The following LPIN2 variants were observed in gnomAD, a reference collection of about 807,000 sequenced individuals.
LPIN2 encodes lipin 2.
A neutral mutation model predicts 111.4 loss-of-function variants in LPIN2; 55 were observed. The ratio of observed to expected loss-of-function variants is 0.49; its 90% confidence interval spans 0.40 to 0.62. LPIN2 has a LOEUF of 0.62. LPIN2 is among the 20% of genes least tolerant of loss of function. LPIN2 has a pLI of 0.00. For synonymous variants in LPIN2, 425 were observed against 414.0 expected, an observed-to-expected ratio of 1.03 and a Z score of -0.32; for missense variants, 992 against 1,112.1, an observed-to-expected ratio of 0.89 and a Z score of 1.54.
chr18:2,994,807 G>C (rs1410172603), intron 1 of LPIN2, among the ~76,000 whole-genome samples: 1 of 152,136 alleles, frequency 6.6e-6, no homozygotes, highest in African/African-American at 2.4e-5. Context: ...GGCGGGTGGG[G>C]GCGGTGTGTG....
At chr18:2,973,750 T>C in intron 1 of LPIN2, among the ~76,000 whole-genome samples, 1 of 152,344 alleles carries the variant, frequency 6.6e-6, no homozygotes, top group Middle Eastern at 3.4e-3. Flanking sequence ...AAACATAAAA[T>C]TCATTTATGT....
At chr18:2,989,697 G>C (rs573676306) in intron 1 of LPIN2, among the ~76,000 whole-genome samples, 45 of 152,284 alleles carry the variant, frequency 3.0e-4, no homozygotes, top group African/African-American at 1.1e-3. Context: ...AATGCGGGCA[G>C]AACACTTGAG....
In LPIN2 at chr18:2,984,229, T is replaced by C. The variant is rs77732359; in HGVS notation, c.-9-23380A>G. ...CCAAAATTAGAAATGGCAAAACTTA[T>C]CTTGCATGCAGCATGTTTTCCTGCT... On this transcript the variant is annotated intron_variant, in intron 1 of 19. Transcript: ENST00000677752. Among the ~76,000 whole-genome samples the C allele has an allele frequency of 1.1e-3, 165 of 152,268 alleles. 1 individual carries two copies. Among genetic ancestry groups the C allele is most frequent in the Non-Finnish European group, 2.1e-3 (141 of 68,012 alleles).
intron 3 of LPIN2, among the ~76,000 whole-genome samples, chr18:2,952,933 AG>A (rs1359499276): frequency 6.6e-6 from 1 of 152,234 alleles, no homozygotes; most frequent in Non-Finnish European, 1.5e-5. Context: ...TAATTAAATG[AG>A]AAAAATCTGA....
At chr18:2,953,313 G>C (rs993298218) in intron 3 of LPIN2, among the ~76,000 whole-genome samples, 1 of 151,662 alleles carries the variant, frequency 6.6e-6, no homozygotes, top group African/African-American at 2.4e-5. Flanking sequence ...GAAGTTCAGT[G>C]TTATGAATTA....
chr18:2,985,559 A>G (rs2078175884), intron 1 of LPIN2: 1 of 152,206 alleles, frequency 6.6e-6, no homozygotes, highest in Non-Finnish European at 1.5e-5. Flanking sequence ...TAGGAAAAAC[A>G]GAATCCTGTT....
chr18:2,933,817 G>A (rs2077247011), intron 8 of LPIN2, among the ~76,000 whole-genome samples: 1 of 152,178 alleles, frequency 6.6e-6, no homozygotes, highest in Non-Finnish European at 1.5e-5. Flanking sequence ...TAATTCAAAG[G>A]GAAAATGGTG....
At chr18:2,926,488 T>G (rs2077133165) in intron 13 of LPIN2, among the ~76,000 whole-genome samples, 1 of 152,216 alleles carries the variant, frequency 6.6e-6, no homozygotes, top group Non-Finnish European at 1.5e-5. Context: ...TCACGGCCCC[T>G]TCCCATACGC....
chr18:2,929,038 A>C (rs753368329), intron 10 of LPIN2, 27 bp downstream of exon 10: 6 of 1,382,364 alleles, frequency 4.3e-6, no homozygotes, highest in Non-Finnish European at 5.2e-6. Flanking sequence ...AAGAGTATTT[A>C]ACAATTATAA....
At chr18:2,927,265 G>T (rs1056290273) in intron 12 of LPIN2, among the ~76,000 whole-genome samples, 1 of 152,178 alleles carries the variant, frequency 6.6e-6, no homozygotes, top group Non-Finnish European at 1.5e-5. Flanking sequence ...GGGAAAAAAA[G>T]ACTTGCTCTG....
Position 2,997,808 on chromosome 18 carries a change from C to T in LPIN2, c.-10+15279G>A, listed in dbSNP as rs1349192532. 3.3e-5 allele frequency among the ~76,000 whole-genome samples: 5 copies of T among 152,370 alleles called. No homozygotes were observed. The South Asian group carries it at 8.3e-4, about 25-fold the overall frequency. On this transcript the variant is annotated intron_variant, in intron 1 of 19. Transcript: ENST00000677752. The stretch of plus-strand genomic sequence containing the variant: ...CATGCCACAGACTTAGTTTTTCAAA[C>T]ATCTCCAATTTCTTGCTTTTAGCTC...
At chr18:3,007,490 T>C (rs1033171617) in intron 1 of LPIN2, among the ~76,000 whole-genome samples, 11 of 152,198 alleles carry the variant, frequency 7.2e-5, no homozygotes, top group African/African-American at 2.7e-4. Flanking sequence ...TTATTAATTT[T>C]AAAAAATACT....
At chr18:2,944,220 C>A in intron 4 of LPIN2, among the ~76,000 whole-genome samples, 1 of 147,530 alleles carries the variant, frequency 6.8e-6, no homozygotes, top group African/African-American at 2.5e-5. Context: ...TTGTGAAGCT[C>A]TTCATGACTT....
intron 2 of LPIN2, among the ~76,000 whole-genome samples, chr18:2,958,193 CTT>C (rs2077652947): frequency 1.0e-5 from 1 of 95,586 alleles, no homozygotes; most frequent in African/African-American, 3.6e-5. Flanking sequence ...GAAAAAAAAA[CTT>C]TTATAAATAA....
At position 2,922,086 on chromosome 18, in the gene LPIN2, A is replaced by T; in HGVS notation, c.2288T>A (p.Leu763Gln). ...DKGTILPRGP[L>Q]MLSPSSLFSA... The stretch of plus-strand genomic sequence containing the variant: ...GAACAAGCTGCTGGGGGACAGCATC[A>T]GGGGGCCCCGGGGCAAGATTGTGCC... The change falls in exon 17 of 20, where the codon CTG becomes CAG. Residue 763 changes from leucine to glutamine, a missense_variant. By Grantham distance (113) the Leu-to-Gln change is moderately radical. This residue lies in a region of LPIN2 where 185 missense variants were observed against 186.5 expected (regional missense o/e 0.99). Transcript: ENST00000677752. 1 of 1,613,862 alleles carries T rather than the reference A, an allele frequency of 6.2e-7. No individual in the cohort carries two copies. The highest frequency in any genetic ancestry group is 8.5e-7 in the Non-Finnish European group (1 of 1,179,964).
Position 2,939,528 on chromosome 18 carries a change from T to C in LPIN2, c.774A>G (p.Ser258=). ...EVKPAESLLR[S]ESHMEWTWGG... ...CCCACGTCCACTCCATGTGAGACTC[T>C]GATCTGAGCAGGCTCTCCGCAGGTT... The change falls in exon 6 of 20, where the codon TCA becomes TCG. Residue 258 remains serine, a synonymous_variant. Transcript: ENST00000677752. The C allele has an allele frequency of 4.3e-6, 7 of 1,614,110 alleles. No individual in the cohort carries two copies. The highest frequency in any genetic ancestry group is 5.9e-6 in the Non-Finnish European group (7 of 1,179,956).
intron 1 of LPIN2, chr18:2,985,074 C>T (rs11663615): frequency 6.6e-6 from 1 of 152,334 alleles, no homozygotes; most frequent in Non-Finnish European, 1.5e-5. Flanking sequence ...CTTGTTTTAG[C>T]TGATGACTCC....
At chr18:2,936,489 T>C (rs2077287040) in intron 7 of LPIN2, among the ~76,000 whole-genome samples, 1 of 152,182 alleles carries the variant, frequency 6.6e-6, no homozygotes, top group African/African-American at 2.4e-5. Flanking sequence ...CTCTGTCACA[T>C]GGGTTAGAGT....
chr18:2,937,545 A>T (rs12959602), intron 7 of LPIN2, 147 bp downstream of exon 7: 2 of 21,346 alleles, frequency 9.4e-5, no homozygotes, highest in East Asian at 0.036. Context: ...AACTCCAGCT[A>T]AAAAAAAAAA....
Sources: allele counts gnomAD v4.1 joint callset (sites outside exome capture counted in the v4.1 genomes callset), GRCh38; gene constraint gnomAD v4.1.1; regional missense constraint gnomAD v4.1.1; transcripts MANE v1.5; gene names NCBI Gene and HGNC (gene_info 2026-07-23, HGNC 2026-07-21).